The following CCDC7 variants were observed in gnomAD, a reference collection of about 807,000 sequenced individuals.
The protein encoded by CCDC7 is coiled-coil domain-containing protein 7.
CCDC7 carries 183 observed loss-of-function variants against 196.9 expected under a neutral mutation model. The ratio of observed to expected loss-of-function variants is 0.93; its 90% CI spans 0.82 to 1.05. CCDC7 has a LOEUF of 1.05. CCDC7 is among the 50% of genes least tolerant of loss of function. The pLI, the probability that CCDC7 is intolerant of heterozygous loss-of-function variation, is 0.00. For missense variants in CCDC7, 1,540 were observed against 1,482.2 expected (o/e 1.04, Z -0.64); for synonymous variants, 525 against 484.6 (o/e 1.08, Z -1.10).
chr10:32,583,575 A>G (rs2058947562), intron 17 of CCDC7, among the ~76,000 whole-genome samples: 1 of 152,100 alleles, frequency 6.6e-6, no homozygotes, highest in South Asian at 2.1e-4. Context: ...TATAAAAGAT[A>G]TGTCATTCTG....
At chr10:32,862,730 A>G (rs1565746202) in intron 41 of CCDC7, among the ~76,000 whole-genome samples, 1 of 152,144 alleles carries the variant, frequency 6.6e-6, no homozygotes, top group Non-Finnish European at 1.5e-5. Flanking sequence ...CAACCAAATC[A>G]GAAAGAAAAA....
intron 20 of CCDC7, among the ~76,000 whole-genome samples, chr10:32,655,472 G>T (rs2069630422): frequency 6.6e-6 from 1 of 152,078 alleles, no homozygotes; most frequent in Non-Finnish European, 1.5e-5. Flanking sequence ...TTTCCCTGAT[G>T]ATTAAAAATG....
At chr10:32,789,792 A>G (rs138165559) in intron 29 of CCDC7, among the ~76,000 whole-genome samples, 2 of 152,294 alleles carry the variant, frequency 1.3e-5, no homozygotes, top group East Asian at 1.9e-4. Flanking sequence ...ATTTGATTCC[A>G]TCTGTCTTTC....
chr10:32,865,715 G>A (rs1226718715), intron 41 of CCDC7, among the ~76,000 whole-genome samples: 1 of 151,752 alleles, frequency 6.6e-6, no homozygotes, highest in African/African-American at 2.4e-5. Context: ...ATTCCTCCAT[G>A]TAAATTCAAC....
intron 21 of CCDC7, 24 bp from the exon 23 acceptor site, chr10:32,685,946 A>AAATAGATAAATAC (rs61556967): frequency 0.099 from 127,902 of 1,294,216 alleles, 7,691 homozygotes; most frequent in East Asian, 0.3. Flanking sequence ...TATTTAGTGG[A>AAATAGATAAATAC]ATAAATGTAT....
chr10:32,743,097 C>G (rs1827615604), intron 28 of CCDC7, among the ~76,000 whole-genome samples: 1 of 152,070 alleles, frequency 6.6e-6, no homozygotes, highest in Admixed American at 6.6e-5. Flanking sequence ...CAAGTTGTGG[C>G]AATTATGAAT....
chr10:32,683,477 C>T (rs1190344257), intron 21 of CCDC7, among the ~76,000 whole-genome samples: 1 of 152,088 alleles, frequency 6.6e-6, no homozygotes, highest in Non-Finnish European at 1.5e-5. Flanking sequence ...GCTATTTGGG[C>T]TCTTTATTGC....
chr10:32,674,583 A>T (rs1423061029), intron 21 of CCDC7, among the ~76,000 whole-genome samples: 1 of 151,952 alleles, frequency 6.6e-6, no homozygotes, highest in African/African-American at 2.4e-5. Context: ...ATGTTCTTTA[A>T]ATGGCTGTTA....
Position 32,573,022 on chromosome 10 carries a change from C to T in CCDC7, c.1454+1129C>T, listed in dbSNP as rs1343794682. On this transcript the variant is annotated intron_variant, in intron 16 of 41. Transcript: ENST00000639629. ...CCTCCCCAGGAGCTGGGATTACAGG[C>T]GTCCACCACCATGCCCGGCTAATTT... Among the ~76,000 whole-genome samples the T allele has an allele frequency of 2.2e-4, 33 of 152,020 alleles. 1 individual carries two copies. Among genetic ancestry groups the T allele is most frequent in the African/African-American group, 7.5e-4 (31 of 41,398 alleles).
chr10:32,511,241 CAG>C (rs933131774), intron 9 of CCDC7: 5 of 743,370 alleles, frequency 6.7e-6, no homozygotes, highest in Non-Finnish European at 1.1e-5. Context: ...TGTCCTGCCA[CAG>C]AATTATTCTG....
chr10:32,606,542 C>A (rs1358009726), intron 18 of CCDC7, among the ~76,000 whole-genome samples: 1 of 152,236 alleles, frequency 6.6e-6, no homozygotes, highest in Non-Finnish European at 1.5e-5. Context: ...GCCACAGGGG[C>A]AGAGCTGCCC....
chr10:32,828,392 A>T (rs113267735), intron 32 of CCDC7, among the ~76,000 whole-genome samples: 8,167 of 133,904 alleles, frequency 0.061, 856 homozygotes, highest in African/African-American at 0.21. Context: ...TAGTTTAAAA[A>T]AGAAGAAGAA....
rs182310445 is a variant in CCDC7, at chr10:32,704,109, C to A, written c.2459-7511C>A. Among the ~76,000 whole-genome samples, 26 of 152,210 alleles carry A rather than the reference C, an allele frequency of 1.7e-4. No individual in the cohort carries two copies. The East Asian group carries it at 4.4e-3, about 26-fold the overall frequency. On this transcript the variant is annotated intron_variant, in intron 24 of 41. Transcript: ENST00000639629. ...AGGTGCTCTGATTTTTAGAATTTTC[C>A]ATTTTTCTGCTTTGTTTTTTCCCCA...
chr10:32,706,083 A>C (rs11813105), intron 24 of CCDC7, among the ~76,000 whole-genome samples: 1 of 152,092 alleles, frequency 6.6e-6, no homozygotes, highest in Admixed American at 6.5e-5. Flanking sequence ...AGCACTCCTC[A>C]GCAAATGTAA....
At chr10:32,699,753 G>A (rs2078341393) in intron 24 of CCDC7, among the ~76,000 whole-genome samples, 1 of 149,384 alleles carries the variant, frequency 6.7e-6, no homozygotes, top group Non-Finnish European at 1.5e-5. Context: ...ATTCTAACTG[G>A]TGTGAGATGG....
intron 18 of CCDC7, among the ~76,000 whole-genome samples, chr10:32,610,245 C>G (rs940066399): frequency 3.3e-5 from 5 of 152,016 alleles, no homozygotes; most frequent in African/African-American, 1.2e-4. Context: ...GCTGGGGCTA[C>G]AGGCGCCCGC....
At position 32,488,704 on chromosome 10, in the gene CCDC7, G is replaced by A. The variant is rs889627556; in HGVS notation, c.797-3218G>A. ...CTCTGTTAAACTTCTCATTTTGTTC[G>A]TGTATTGTTTTTCTGATTTTTGTTA... On this transcript the variant is annotated intron_variant, in intron 8 of 41. Transcript: ENST00000639629. 4.6e-5 allele frequency among the ~76,000 whole-genome samples: 7 copies of A among 152,116 alleles called. No homozygotes were observed. In the South Asian group the frequency reaches 8.3e-4, roughly 18 times the overall value.
chr10:32,716,405 A>G (rs1565266525), intron 25 of CCDC7, among the ~76,000 whole-genome samples: 1 of 152,238 alleles, frequency 6.6e-6, no homozygotes, highest in East Asian at 1.9e-4. Context: ...GAAGCACTAA[A>G]TATGGAAAGG....
intron 29 of CCDC7, among the ~76,000 whole-genome samples, chr10:32,784,137 T>C (rs2081447933): frequency 6.6e-6 from 1 of 152,272 alleles, no homozygotes; most frequent in Non-Finnish European, 1.5e-5. Flanking sequence ...AAATAATAAA[T>C]TTTATATTAT....
Sources: gnomAD v4.1 joint callset for allele counts (sites outside exome capture counted in the v4.1 genomes callset) on GRCh38, gnomAD v4.1.1 for gene constraint, MANE v1.5 for transcripts, NCBI Gene and HGNC (gene_info 2026-07-23, HGNC 2026-07-21) for gene names.